Variants in JAKMIP2 observed in about 807,000 individuals in gnomAD.
The protein encoded by JAKMIP2 is janus kinase and microtubule interacting protein 2.
JAKMIP2 carries 25 observed loss-of-function variants against 115.0 expected under a neutral mutation model. The observed-to-expected ratio is 0.22, with a 90% CI of 0.16 to 0.30. The LOEUF (loss-of-function observed/expected upper bound fraction) is 0.30. Ranked by LOEUF, JAKMIP2 falls within the 10% of genes least tolerant of loss-of-function variation. The pLI, the probability that JAKMIP2 is intolerant of heterozygous loss-of-function variation, is 1.00. For synonymous variants in JAKMIP2, 334 were observed against 343.6 expected, an observed-to-expected ratio of 0.97 and a Z score of 0.31; for missense variants, 642 against 957.6, an observed-to-expected ratio of 0.67 and a Z score of 4.35.
intron 3 of JAKMIP2, among the ~76,000 whole-genome samples, chr5:147,651,165 T>TTTATCATTACTATAAGAAAA (rs139991432): frequency 0.076 from 11,586 of 152,130 alleles, 552 homozygotes; most frequent in Middle Eastern, 0.17. Context: ...TAGCAACCAT[T>TTTATCATTACTATAAGAAAA]TTATCATTAC....
At chr5:147,759,975 A>G (rs911948923) in intron 1 of JAKMIP2, among the ~76,000 whole-genome samples, 1 of 151,986 alleles carries the variant, frequency 6.6e-6, no homozygotes. Flanking sequence ...AGATTTAGGG[A>G]ATGTTTTGAG....
chr5:147,743,684 A>C (rs1180128238), intron 1 of JAKMIP2, among the ~76,000 whole-genome samples: 1 of 152,178 alleles, frequency 6.6e-6, no homozygotes, highest in African/African-American at 2.4e-5. Context: ...GGATTCTGCC[A>C]AGGAGATTTG....
chr5:147,606,151 T>C lies in JAKMIP2; in HGVS notation c.2413-4340A>G, dbSNP rs536885026. ...GTAGGTTATCTGTTCACTCTGATGA[T>C]AGTTTTTTTTGCTGTGCAGATGCTC... On this transcript the variant is annotated intron_variant, in intron 20 of 21. Transcript: ENST00000616793. 1.2e-3 allele frequency among the ~76,000 whole-genome samples: 188 copies of C among 152,030 alleles called. 1 individual carries two copies. The highest frequency in any genetic ancestry group is 0.01 in the Middle Eastern group (3 of 292).
At chr5:147,680,686 G>A (rs1204377481) in intron 1 of JAKMIP2, among the ~76,000 whole-genome samples, 1 of 152,170 alleles carries the variant, frequency 6.6e-6, no homozygotes, top group Non-Finnish European at 1.5e-5. Context: ...CTGGTCACCT[G>A]CAGTGACATC....
rs559953123 is a variant in JAKMIP2, at chr5:147,707,789, C to T, written c.-148-35835G>A. On this transcript the variant is annotated intron_variant, in intron 1 of 21. Transcript: ENST00000616793. ...ATGACTGATATGCAAATGAGATCAG[C>T]AATAGTAAGTACAGAGTCTTCTTAG... is the stretch of plus-strand genomic sequence containing the variant. Among the ~76,000 whole-genome samples the T allele has an allele frequency of 6.6e-5, 10 of 152,190 alleles. No homozygotes were observed. The East Asian group carries it at 1.9e-3, about 29-fold the overall frequency.
intron 1 of JAKMIP2, among the ~76,000 whole-genome samples, chr5:147,698,931 C>T (rs1014071778): frequency 2.6e-5 from 4 of 152,162 alleles, no homozygotes; most frequent in Non-Finnish European, 4.4e-5. Flanking sequence ...AATGCCACCT[C>T]CTCAGCTCTG....
intron 1 of JAKMIP2, among the ~76,000 whole-genome samples, chr5:147,757,174 A>G (rs974374663): frequency 1.3e-5 from 2 of 152,104 alleles, no homozygotes; most frequent in African/African-American, 4.8e-5. Context: ...GACCCATTCC[A>G]TTTGTAGGAA....
chr5:147,703,901 T>C (rs899259873), intron 1 of JAKMIP2, among the ~76,000 whole-genome samples: 2 of 152,178 alleles, frequency 1.3e-5, no homozygotes, highest in Non-Finnish European at 2.9e-5. Context: ...ACTTTTTCTA[T>C]TAAATGTTTG....
intron 1 of JAKMIP2, among the ~76,000 whole-genome samples, chr5:147,711,433 T>C (rs1752775817): frequency 6.6e-6 from 1 of 152,130 alleles, no homozygotes; most frequent in Admixed American, 6.5e-5. Flanking sequence ...GCCAGACCTT[T>C]CAATCAGGCA....
At chr5:147,695,708 AAGAG>A (rs1454431735) in intron 1 of JAKMIP2, among the ~76,000 whole-genome samples, 2 of 148,852 alleles carry the variant, frequency 1.3e-5, no homozygotes, top group South Asian at 4.3e-4. Flanking sequence ...GAGACAGAGA[AAGAG>A]AGAGAGAACA....
chr5:147,762,272 T>C (rs923164597), intron 1 of JAKMIP2, among the ~76,000 whole-genome samples: 18 of 152,174 alleles, frequency 1.2e-4, no homozygotes, highest in Non-Finnish European at 1.9e-4. Flanking sequence ...ATAAACATGA[T>C]GCAAACCCTT....
intron 1 of JAKMIP2, among the ~76,000 whole-genome samples, chr5:147,768,944 T>A (rs1023702156): frequency 2.6e-5 from 4 of 152,120 alleles, no homozygotes; most frequent in Non-Finnish European, 4.4e-5. Flanking sequence ...CTGATCTTTA[T>A]CCCATACACC....
intron 1 of JAKMIP2, among the ~76,000 whole-genome samples, chr5:147,702,612 GAAAGAAAGAAA>G (rs1752394968): frequency 9.7e-5 from 3 of 31,028 alleles, no homozygotes; most frequent in Non-Finnish European, 2.3e-4. Flanking sequence ...AGGAAAGAAA[GAAAGAAAGAAA>G]GAAAGAAAGA....
intron 1 of JAKMIP2, among the ~76,000 whole-genome samples, chr5:147,682,074 A>G (rs1760314234): frequency 6.6e-6 from 1 of 151,758 alleles, no homozygotes; most frequent in Non-Finnish European, 1.5e-5. Flanking sequence ...TAAAAGTGAC[A>G]TATGTAACTA....
chr5:147,708,816 T>A (rs1752675454), intron 1 of JAKMIP2, among the ~76,000 whole-genome samples: 1 of 152,310 alleles, frequency 6.6e-6, no homozygotes, highest in Admixed American at 6.5e-5. Context: ...ACATTGTAGG[T>A]TCCTGGGTTC....
chr5:147,722,797 G>A (rs1753366570), intron 1 of JAKMIP2, among the ~76,000 whole-genome samples: 1 of 152,128 alleles, frequency 6.6e-6, no homozygotes, highest in Non-Finnish European at 1.5e-5. Flanking sequence ...GGTAATTAAT[G>A]TTCTTAAAAA....
intron 12 of JAKMIP2, among the ~76,000 whole-genome samples, chr5:147,634,345 C>A (rs1413953644): frequency 6.6e-6 from 1 of 151,948 alleles, no homozygotes; most frequent in Non-Finnish European, 1.5e-5. Context: ...TATAATAACA[C>A]TTATTACTGG....
At chr5:147,639,865 T>G in intron 9 of JAKMIP2, 105 bp from the exon 10 acceptor site, 1 of 1,314,132 alleles carries the variant, frequency 7.6e-7, no homozygotes, top group East Asian at 2.3e-5. Context: ...AGTAAAAGGT[T>G]GTTTAACAGT....
At chr5:147,607,723 T>C (rs1387897409) in intron 20 of JAKMIP2, among the ~76,000 whole-genome samples, 2 of 152,228 alleles carry the variant, frequency 1.3e-5, no homozygotes, top group African/African-American at 4.8e-5. Flanking sequence ...TTTTTTCTAT[T>C]GTTTGGAATA....
Sources: allele counts gnomAD v4.1 joint callset (sites outside exome capture counted in the v4.1 genomes callset), GRCh38; gene constraint gnomAD v4.1.1; transcripts MANE v1.5; gene names NCBI Gene and HGNC (gene_info 2026-07-23, HGNC 2026-07-21).